Variants in RFC1 observed in about 807,000 individuals in gnomAD.
RFC1 encodes the protein replication factor C subunit 1, also known as A1 140 kDa subunit.
In RFC1, 37 loss-of-function variants were observed where a neutral mutation model predicts 137.4. The ratio of observed to expected loss-of-function variants is 0.27; its 90% CI spans 0.21 to 0.35. The LOEUF (loss-of-function observed/expected upper bound fraction) is 0.35. Ranked by LOEUF, RFC1 falls within the 10% of genes least tolerant of loss-of-function variation. The pLI is 1.00. For missense variants in RFC1, 1,205 were observed against 1,358.5 expected (o/e 0.89, Z 1.78); for synonymous variants, 429 against 455.7 (o/e 0.94, Z 0.75).
chr4:39,325,638 C>G (rs569049349), intron 6 of RFC1, among the ~76,000 whole-genome samples: 1 of 152,306 alleles, frequency 6.6e-6, no homozygotes, highest in East Asian at 1.9e-4. Flanking sequence ...TCACCTCGGC[C>G]TCCCAAAGTG....
intron 10 of RFC1, among the ~76,000 whole-genome samples, chr4:39,316,284 C>T (rs555421501): frequency 6.6e-5 from 10 of 152,272 alleles, no homozygotes; most frequent in Admixed American, 6.5e-4. Context: ...AAACATTAGG[C>T]CCTGCAAGAT....
chr4:39,356,201 C>T (rs11730570), intron 1 of RFC1, among the ~76,000 whole-genome samples: 48,517 of 151,908 alleles, frequency 0.32, 7,987 homozygotes, highest in Non-Finnish European at 0.35. Context: ...GAGTTCCAGA[C>T]TGGCCTGGCC....
intron 1 of RFC1, chr4:39,365,319 C>T: frequency 3.2e-6 from 1 of 315,544 alleles, no homozygotes; most frequent in Non-Finnish European, 4.6e-6. Flanking sequence ...TTCACCGCCC[C>T]CCCCCAGAAT....
Position 39,300,145 on chromosome 4 carries a change from G to C in RFC1, c.2691-7C>G. 6.2e-7 allele frequency: 1 copy of C among 1,612,948 alleles called. No homozygotes were observed. Among genetic ancestry groups the C allele is most frequent in the African/African-American group, 1.3e-5 (1 of 74,956 alleles). ...GTGCTTTTTCATGTCACCCCTGCAG[G>C]AAAGAACCAGTCTGGATTATCCCAC... On this transcript the variant is annotated splice_polypyrimidine_tract_variant and splice_region_variant and intron_variant, in intron 20 of 24. Coordinates refer to ENST00000349703, the MANE Select transcript of RFC1 (RefSeq NM_002913.5).
chr4:39,333,644 C>T (rs1740216376), intron 4 of RFC1, among the ~76,000 whole-genome samples: 2 of 151,880 alleles, frequency 1.3e-5, no homozygotes, highest in Non-Finnish European at 2.9e-5. Context: ...TTTATGTGCA[C>T]CCTAATGTTA....
chr4:39,292,566 T>C (rs1297668202), intron 22 of RFC1, among the ~76,000 whole-genome samples: 1 of 152,266 alleles, frequency 6.6e-6, no homozygotes, highest in Non-Finnish European at 1.5e-5. Flanking sequence ...ATCCTAAATC[T>C]TTCCAACCCA....
chr4:39,351,021 C>T (rs868016288), intron 2 of RFC1, among the ~76,000 whole-genome samples: 5 of 151,742 alleles, frequency 3.3e-5, no homozygotes, highest in South Asian at 4.1e-4. Context: ...GAGGCCAAGG[C>T]GGGCAGATCA....
At chr4:39,333,731 G>A (rs1434159571) in intron 4 of RFC1, among the ~76,000 whole-genome samples, 1 of 152,146 alleles carries the variant, frequency 6.6e-6, no homozygotes, top group African/African-American at 2.4e-5. Flanking sequence ...TACAATAGTG[G>A]AGGGTAACAG....
At chr4:39,334,635 CTA>C (rs1274969256) in intron 4 of RFC1, among the ~76,000 whole-genome samples, 1 of 152,158 alleles carries the variant, frequency 6.6e-6, no homozygotes, top group East Asian at 1.9e-4. Flanking sequence ...CAAAGGCAAA[CTA>C]TGTTCTCTTC....
Position 39,350,814 on chromosome 4 carries a change from A to C in RFC1, c.132+534T>G, listed in dbSNP as rs147899425. Among the ~76,000 whole-genome samples the C allele has an allele frequency of 3.5e-4, 53 of 152,360 alleles. No individual in the cohort carries two copies. The East Asian group carries it at 9.6e-3, about 28-fold the overall frequency. ...CAGTGAGAAATGAAAAGCATCAGAAATAGCAAATACGTGCATAAAATAAAA... is the reference window on the plus strand; with the variant it reads ...CAGTGAGAAATGAAAAGCATCAGAACTAGCAAATACGTGCATAAAATAAAA... On this transcript the variant is annotated intron_variant, in intron 2 of 24. Transcript: ENST00000349703.
chr4:39,321,407 A>G (rs1472289345), intron 7 of RFC1, 33 bp from the exon 8 acceptor site: 2 of 1,575,984 alleles, frequency 1.3e-6, no homozygotes, highest in East Asian at 2.2e-5. Context: ...AAATGTGACA[A>G]ATAATAGAAA....
intron 24 of RFC1, among the ~76,000 whole-genome samples, chr4:39,289,196 TTCTTTC>T (rs1404267355): frequency 6.7e-4 from 102 of 152,082 alleles, no homozygotes; most frequent in African/African-American, 2.3e-3. Flanking sequence ...GAATTTCCTC[TTCTTTC>T]AGTTTCAGAT....
At chr4:39,290,812 C>A (rs1291367079) in intron 23 of RFC1, among the ~76,000 whole-genome samples, 181 of 130,072 alleles carry the variant, frequency 1.4e-3, no homozygotes, top group African/African-American at 1.7e-3. Context: ...TAGACTGTCT[C>A]AAAAAAAAAA....
intron 3 of RFC1, among the ~76,000 whole-genome samples, chr4:39,343,061 G>A (rs1347621154): frequency 6.6e-6 from 1 of 151,800 alleles, no homozygotes; most frequent in Non-Finnish European, 1.5e-5. Flanking sequence ...ACGGAGTCTC[G>A]CTCTGTTGTG....
In RFC1 at chr4:39,300,066, G is replaced by A. The variant is rs1162626734; in HGVS notation, c.2763C>T (p.Asp921=). ...ADSICDGDLV[D]SQIRSKQNWS... ...AGTTTTGCTTACTCCGGATCTGGCT[G>A]TCCACTAGGTCACCATCGCATATGC... Residue 921 remains aspartate (D), a synonymous_variant, in exon 21 of 25, where the codon GAC becomes GAT. Transcript: ENST00000349703. 6.2e-7 allele frequency: 1 copy of A among 1,614,034 alleles called. No homozygotes were observed. The highest frequency in any genetic ancestry group is 2.2e-5 in the East Asian group (1 of 44,900).
chr4:39,342,528 T>A, intron 3 of RFC1, 61 bp from the exon 4 acceptor site: 1 of 1,531,096 alleles, frequency 6.5e-7, no homozygotes, highest in Non-Finnish European at 8.9e-7. Context: ...ATAGTGCATG[T>A]TTAAAGTAGT....
intron 4 of RFC1, among the ~76,000 whole-genome samples, chr4:39,334,400 T>C (rs1211338041): frequency 3.3e-5 from 5 of 152,062 alleles, no homozygotes; most frequent in Non-Finnish European, 5.9e-5. Flanking sequence ...GCTATACCAA[T>C]ATATTATGGA....
chr4:39,308,498 G>T, intron 13 of RFC1, 138 bp downstream of exon 13: 2 of 1,193,704 alleles, frequency 1.7e-6, no homozygotes, highest in Non-Finnish European at 1.2e-6. Context: ...GTCTAGTACT[G>T]CACCTGGGTT....
rs2109566195 is a variant in RFC1 at position 39,288,432 on chromosome 4, T to G, written c.*329A>C. 1 of 196,554 alleles carries G rather than the reference T, an allele frequency of 5.1e-6. No individual in the cohort carries two copies. The highest frequency in any genetic ancestry group is 1.2e-4 in the East Asian group (1 of 8,166). The allele number at this position is 196,554 out of a possible 1,614,324, so 12.2% of individuals were successfully genotyped here. On this transcript the variant is annotated 3_prime_UTR_variant, in exon 25 of 25. Coordinates refer to ENST00000349703, the MANE Select transcript of RFC1 (RefSeq NM_002913.5). ...ACAAAAGACGCCTTAGTACTACTGCTCCCAGGCTCATTATTGTTAACTAAA... is the reference window on the plus strand; with the variant it reads ...ACAAAAGACGCCTTAGTACTACTGCGCCCAGGCTCATTATTGTTAACTAAA...
Sources: gnomAD v4.1 joint callset for allele counts (sites outside exome capture counted in the v4.1 genomes callset) on GRCh38, gnomAD v4.1.1 for gene constraint, MANE v1.5 for transcripts, NCBI Gene and HGNC (gene_info 2026-07-23, HGNC 2026-07-21) for gene names.